BAIAP2: variants seen among roughly 807,000 people sequenced by gnomAD.
BAIAP2 encodes the protein BAR/IMD domain-containing adapter protein 2.
Under a neutral mutation model 63.0 loss-of-function variants are expected in BAIAP2, and 18 were observed. The ratio of observed to expected loss-of-function variants is 0.29; its 90% CI spans 0.20 to 0.42. The LOEUF (loss-of-function observed/expected upper bound fraction) is 0.42, where lower values mean the gene tolerates loss of function less well. Among genes scored for constraint, BAIAP2 ranks in the 10% least tolerant of loss-of-function variants. The pLI is 1.00. For missense variants in BAIAP2, 610 were observed against 734.3 expected (o/e 0.83, Z 1.96); for synonymous variants, 386 against 307.6 (o/e 1.25, Z -2.67).
intron 3 of BAIAP2, among the ~76,000 whole-genome samples, chr17:81,064,373 C>T (rs1298807281): frequency 6.6e-6 from 1 of 152,224 alleles, no homozygotes; most frequent in African/African-American, 2.4e-5. Context: ...GCTGCACTGA[C>T]TCCCGGCTAA....
At chr17:81,054,956 C>T (rs989043387) in intron 2 of BAIAP2, among the ~76,000 whole-genome samples, 11 of 152,172 alleles carry the variant, frequency 7.2e-5, no homozygotes, top group Non-Finnish European at 1.5e-4. Flanking sequence ...CCCGGTCTCC[C>T]TGTACCCTCT....
intron 4 of BAIAP2, 178 bp downstream of exon 4, chr17:81,085,071 G>A (rs1430376827): frequency 1.5e-6 from 1 of 675,350 alleles, no homozygotes; most frequent in Non-Finnish European, 2.6e-6. Flanking sequence ...TCGGAGAAAA[G>A]GGCACAGGCC....
intron 3 of BAIAP2, among the ~76,000 whole-genome samples, chr17:81,070,037 C>A (rs1358629278): frequency 1.3e-5 from 2 of 152,176 alleles, no homozygotes; most frequent in African/African-American, 4.8e-5. Flanking sequence ...TCATACATAG[C>A]TCATTGCAGC....
intron 4 of BAIAP2, 78 bp from the exon 5 acceptor site, chr17:81,085,576 G>C: frequency 7.9e-7 from 1 of 1,266,890 alleles, no homozygotes; most frequent in African/African-American, 1.5e-5. Flanking sequence ...GTGCCCATCC[G>C]CTCTAGCCCT....
chr17:81,047,702 G>A (rs1370835110), intron 1 of BAIAP2, among the ~76,000 whole-genome samples: 1 of 151,120 alleles, frequency 6.6e-6, no homozygotes, highest in Non-Finnish European at 1.5e-5. Context: ...GCACACGCAC[G>A]GGTCCACATG....
chr17:81,100,126 G>T, intron 7 of BAIAP2, 46 bp downstream of exon 7: 3 of 1,571,316 alleles, frequency 1.9e-6, no homozygotes, highest in Non-Finnish European at 2.6e-6. Flanking sequence ...GGCCTTGCTG[G>T]CAGAAATGAC....
chr17:81,039,882 G>T (rs1445643389), intron 1 of BAIAP2, among the ~76,000 whole-genome samples: 2 of 152,210 alleles, frequency 1.3e-5, no homozygotes, highest in African/African-American at 4.8e-5. Flanking sequence ...CCGAGCTCCA[G>T]GAGGCAGACT....
chr17:81,045,483 T>G (rs1189251122), intron 1 of BAIAP2, among the ~76,000 whole-genome samples: 1 of 151,846 alleles, frequency 6.6e-6, no homozygotes, highest in Non-Finnish European at 1.5e-5. Context: ...GCAGGCAGCA[T>G]GAGGGAAGGA....
Position 81,082,493 on chromosome 17 carries a change from C to T in BAIAP2, c.218-2339C>T, listed in dbSNP as rs369744750. ...GGGAAGCCAAGCCCGGGGCTCTGTGCGTCCCCCACCCCTGCCCTGCGGTGG... is the reference window on the plus strand; with the variant it reads ...GGGAAGCCAAGCCCGGGGCTCTGTGTGTCCCCCACCCCTGCCCTGCGGTGG... On this transcript the variant is annotated intron_variant, in intron 3 of 13. Coordinates refer to ENST00000428708, the MANE Select transcript of BAIAP2 (RefSeq NM_001144888.2). Among the ~76,000 whole-genome samples the T allele has an allele frequency of 6.6e-5, 10 of 152,290 alleles. No homozygotes were observed. In the East Asian group the frequency reaches 9.7e-4, roughly 15 times the overall value.
At chr17:81,099,882 G>A (rs2058259221) in intron 6 of BAIAP2, 46 bp from the exon 7 acceptor site, 1 of 1,598,524 alleles carries the variant, frequency 6.3e-7, no homozygotes, top group Admixed American at 1.7e-5. Context: ...GTCCTGACAG[G>A]CGTCCTTCCA....
chr17:81,109,478 A>T (rs1226022633), intron 13 of BAIAP2: 1 of 984,958 alleles, frequency 1.0e-6, no homozygotes, highest in East Asian at 1.1e-4. Flanking sequence ...GTGCGCTGTT[A>T]TCTCGCATCC....
Position 81,116,514 on chromosome 17 carries a change from G to T in BAIAP2, c.*675G>T. 1 of 657,648 alleles carries T rather than the reference G, an allele frequency of 1.5e-6. No homozygotes were observed. The highest frequency in any genetic ancestry group is 2.8e-5 in the East Asian group (1 of 35,350). The allele number at this position is 657,648 out of a possible 1,614,324, so 40.7% of individuals were successfully genotyped here. A position where few individuals can be genotyped will look rare whatever the true frequency, so the allele number is the denominator to read the frequency against. ...TCCCATCCAGAACCTTGCTGCCAGG[G>T]CCTCCCAGCTCGCTCCTGCGGCCAA... On this transcript the variant is annotated 3_prime_UTR_variant, in exon 14 of 14. Transcript: ENST00000428708.
chr17:81,038,984 G>C (rs1040654000), intron 1 of BAIAP2, among the ~76,000 whole-genome samples: 1 of 152,256 alleles, frequency 6.6e-6, no homozygotes, highest in African/African-American at 2.4e-5. Context: ...ATGTGTATGT[G>C]TGTCCGTGTG....
At position 81,106,919 on chromosome 17, in the gene BAIAP2, G is replaced by T; in HGVS notation, c.1500+12G>T. 6.7e-7 allele frequency: 1 copy of T among 1,502,404 alleles called. No homozygotes were observed. Among genetic ancestry groups the T allele is most frequent in the Non-Finnish European group, 8.9e-7 (1 of 1,123,474 alleles). The allele number at this position is 1,502,404 out of a possible 1,614,324, so 93.1% of individuals were successfully genotyped here. On this transcript the variant is annotated intron_variant, in intron 12 of 13. Coordinates refer to ENST00000428708, the MANE Select transcript of BAIAP2 (RefSeq NM_001144888.2). Reference sequence around the variant, plus strand: ...CCGCCTTCTCCCAGGTCAGTGGGCGGGGCCGGGGCTGGGAGGGGCCCGCAG... The same window carrying T: ...CCGCCTTCTCCCAGGTCAGTGGGCGTGGCCGGGGCTGGGAGGGGCCCGCAG...
chr17:81,085,888 C>T (rs868359281), intron 5 of BAIAP2, among the ~76,000 whole-genome samples, 163 bp downstream of exon 5: 4 of 152,250 alleles, frequency 2.6e-5, no homozygotes, highest in Admixed American at 1.3e-4. Context: ...CCGAGTGCCC[C>T]TGGTGTGCCC....
chr17:81,060,433 A>G (rs1354015803), intron 3 of BAIAP2, among the ~76,000 whole-genome samples: 1 of 152,134 alleles, frequency 6.6e-6, no homozygotes, highest in Non-Finnish European at 1.5e-5. Context: ...TTTCATATAA[A>G]TGGAGTCATA....
chr17:81,114,582 G>A (rs948828366), intron 13 of BAIAP2, among the ~76,000 whole-genome samples: 2 of 152,220 alleles, frequency 1.3e-5, no homozygotes, highest in Non-Finnish European at 2.9e-5. Context: ...GACGCCATCT[G>A]GGAGTCTGGG....
intron 13 of BAIAP2, chr17:81,111,045 G>T (rs188568858): frequency 1.9e-6 from 3 of 1,540,762 alleles, no homozygotes; most frequent in Non-Finnish European, 2.7e-6. Flanking sequence ...CAGCCTGGGT[G>T]GGGAGGGCCC....
Position 81,106,861 on chromosome 17 carries a change from G to C in BAIAP2, c.1454G>C (p.Gly485Ala). Residue 485 changes from glycine to alanine, a missense_variant, in exon 12 of 14, where the codon GGC (glycine) becomes GCC (alanine). By Grantham distance (60) the Gly-to-Ala change is moderately conservative (BLOSUM62 0). This residue lies in a region of BAIAP2 where 114 missense variants were observed against 98.2 expected (regional missense o/e 1.16). Transcript: ENST00000428708. ...GCCTTCCCCGCCCAGACGGCCAGCGGCTTCAAGCAGAGGCCCTACAGTGTG... is the reference window on the plus strand; with the variant it reads ...GCCTTCCCCGCCCAGACGGCCAGCGCCTTCAAGCAGAGGCCCTACAGTGTG... ...SRAFPAQTAS[G>A]FKQRPYSVAV... 6.2e-7 allele frequency: 1 copy of C among 1,605,500 alleles called. No individual in the cohort carries two copies. Among genetic ancestry groups the C allele is most frequent in the Non-Finnish European group, 8.5e-7 (1 of 1,176,322 alleles).
Sources: allele counts gnomAD v4.1 joint callset (sites outside exome capture counted in the v4.1 genomes callset), GRCh38; gene constraint gnomAD v4.1.1; regional missense constraint gnomAD v4.1.1; transcripts MANE v1.5; gene names NCBI Gene and HGNC (gene_info 2026-07-23, HGNC 2026-07-21).